Variants in TRUB2 observed in about 807,000 individuals in gnomAD.
TRUB2 encodes pseudouridylate synthase TRUB2, mitochondrial.
TRUB2 carries 31 observed loss-of-function variants against 31.9 expected under a neutral mutation model. The observed-to-expected ratio is 0.97, with a 90% confidence interval of 0.73 to 1.31. The LOEUF (loss-of-function observed/expected upper bound fraction) is 1.31. TRUB2 is among the 50% of genes most tolerant of loss of function. The probability of loss-of-function intolerance (pLI) is 0.00; values close to 1 mark genes in which losing one functional copy is unlikely to be tolerated. For synonymous variants in TRUB2, 201 were observed against 182.6 expected, an observed-to-expected ratio of 1.10 and a Z score of -0.81; for missense variants, 451 against 439.6, an observed-to-expected ratio of 1.03 and a Z score of -0.23.
At chr9:128,313,433 G>A (rs1365612993) in intron 5 of TRUB2, among the ~76,000 whole-genome samples, 1 of 150,474 alleles carries the variant, frequency 6.6e-6, no homozygotes, top group African/African-American at 2.4e-5. Flanking sequence ...CTACTAGGGA[G>A]GCTGAGGCAG....
chr9:128,309,908 T>C, intron 7 of TRUB2, 33 bp from the exon 8 acceptor site: 2 of 1,601,738 alleles, frequency 1.2e-6, no homozygotes, highest in Non-Finnish European at 1.7e-6. Flanking sequence ...GACATGGTGG[T>C]GAGAGCACAG....
At chr9:128,315,199 C>G (rs1832045955) in intron 4 of TRUB2, among the ~76,000 whole-genome samples, 1 of 152,130 alleles carries the variant, frequency 6.6e-6, no homozygotes, top group African/African-American at 2.4e-5. Context: ...TTGGAGAGAC[C>G]TAGGTTCAAA....
chr9:128,322,210 C>T, intron 1 of TRUB2, 90 bp downstream of exon 1: 1 of 1,079,888 alleles, frequency 9.3e-7, no homozygotes. Context: ...GAATAGGTCA[C>T]GTGATTTTGT....
intron 3 of TRUB2, 103 bp downstream of exon 3, chr9:128,317,049 G>T: frequency 1.0e-6 from 1 of 1,003,874 alleles, no homozygotes; most frequent in South Asian, 1.5e-5. Context: ...GAGAGGAGTG[G>T]TGGGACGTGG....
chr9:128,314,178 C>T (rs1832028457), intron 4 of TRUB2, among the ~76,000 whole-genome samples: 1 of 152,144 alleles, frequency 6.6e-6, no homozygotes, highest in Admixed American at 6.6e-5. Flanking sequence ...GTACCTGGCT[C>T]CCAGTCAGCA....
In TRUB2 at chr9:128,310,922, C is replaced by T. The variant is rs769813918; in HGVS notation, c.635G>A (p.Arg212Gln). Residue 212 changes from arginine (R) to glutamine (Q), a missense_variant, in exon 7 of 8, where the codon CGA (arginine) becomes CAA (glutamine). Arg to Gln is a conservative substitution (Grantham distance 43). Coordinates refer to ENST00000372890, the MANE Select transcript of TRUB2 (RefSeq NM_015679.3). ...NKSPMLITGIRCLYFAPPEFL... is the reference protein window; with the variant it reads ...NKSPMLITGIQCLYFAPPEFL... ...TTCCGGAGGTGCAAAGTAGAGGCAT[C>T]GGATGCCAGTTATCAGCATCGGGGA... is the stretch of plus-strand genomic sequence containing the variant. 10 of 1,614,104 alleles carry T rather than the reference C, an allele frequency of 6.2e-6. No individual in the cohort carries two copies. In the Admixed American group the frequency reaches 8.3e-5, roughly 13 times the overall value.
intron 2 of TRUB2, among the ~76,000 whole-genome samples, chr9:128,320,486 C>T (rs1240214875): frequency 1.3e-5 from 2 of 152,020 alleles, no homozygotes; most frequent in Non-Finnish European, 2.9e-5. Context: ...GCATGTGCCA[C>T]CACACCTGTC....
At chr9:128,312,113 G>T (rs1387429128) in intron 5 of TRUB2, among the ~76,000 whole-genome samples, 1 of 150,052 alleles carries the variant, frequency 6.7e-6, no homozygotes, top group Admixed American at 6.7e-5. Context: ...GAGATTACAG[G>T]TGTGAGCCAC....
In TRUB2 at chr9:128,309,188, G is replaced by T; in HGVS notation, c.*362C>A. 5.1e-6 allele frequency: 1 copy of T among 197,122 alleles called. No homozygotes were observed. The allele number at this position is 197,122 out of a possible 1,614,324, so 12.2% of individuals were successfully genotyped here. On this transcript the variant is annotated 3_prime_UTR_variant, in exon 8 of 8. Transcript: ENST00000372890. ...TTTTGAGATGGCAGGGGTCTCATAT[G>T]TTCCCCAGACTAGAGTGCAGTGGCT... is the stretch of plus-strand genomic sequence containing the variant.
chr9:128,306,735 C>CTT lies in TRUB2; in HGVS notation c.*2813_*2814dup, dbSNP rs879861880. ...ACAGGCGTGAGCCACCGTGCCCAGC[C>CTT]TTTTTTTTTTTCTTTTCTGAGACAG... On this transcript the variant is annotated 3_prime_UTR_variant, in exon 8 of 8. Coordinates refer to ENST00000372890, the MANE Select transcript of TRUB2 (RefSeq NM_015679.3). 2.1e-5 allele frequency: 3 copies of CTT among 143,766 alleles called. No individual in the cohort carries two copies. The highest frequency in any genetic ancestry group is 3.1e-5 in the Non-Finnish European group (2 of 65,566). 8.9% of individuals were successfully genotyped at this position (143,766 alleles called of 1,614,324 possible).
chr9:128,320,862 C>A, intron 2 of TRUB2, among the ~76,000 whole-genome samples: 1 of 151,050 alleles, frequency 6.6e-6, no homozygotes, highest in South Asian at 2.1e-4. Context: ...AATTTCGGCT[C>A]ACTGCAACCT....
chr9:128,317,091 T>C, intron 3 of TRUB2, 61 bp downstream of exon 3: 1 of 1,463,104 alleles, frequency 6.8e-7, no homozygotes, highest in Non-Finnish European at 9.3e-7. Flanking sequence ...GGGCTCCTGG[T>C]AGCTTCAGGA....
rs1342335039 is a variant in TRUB2, at chr9:128,307,436, T to C, written c.*2114A>G. 6.8e-6 allele frequency: 1 copy of C among 146,634 alleles called. No homozygotes were observed. Among genetic ancestry groups the C allele is most frequent in the Non-Finnish European group, 1.5e-5 (1 of 66,632 alleles). 9.1% of individuals were successfully genotyped at this position (146,634 alleles called of 1,614,324 possible). A position where few individuals can be genotyped will look rare whatever the true frequency, so the allele number is the denominator to read the frequency against. On this transcript the variant is annotated 3_prime_UTR_variant, in exon 8 of 8. Coordinates refer to ENST00000372890, the MANE Select transcript of TRUB2 (RefSeq NM_015679.3). Reference sequence around the variant, plus strand: ...GCCTGGGTGACAGAGCAAGACTCTGTCTAAAAAAAACAGGCCGGAAACAGT... The same window carrying C: ...GCCTGGGTGACAGAGCAAGACTCTGCCTAAAAAAAACAGGCCGGAAACAGT...
chr9:128,318,118 C>T (rs141577319), intron 2 of TRUB2, among the ~76,000 whole-genome samples: 3,608 of 151,966 alleles, frequency 0.024, 144 homozygotes, highest in African/African-American at 0.082. Context: ...CCAAGGTGGG[C>T]GGATCACCTG....
At position 128,309,768 on chromosome 9, in the gene TRUB2, C is replaced by T. The variant is rs755328661; in HGVS notation, c.778G>A (p.Asp260Asn). 1.5e-5 allele frequency: 25 copies of T among 1,614,244 alleles called. No homozygotes were observed. Among genetic ancestry groups the T allele is most frequent in the Non-Finnish European group, 1.9e-5 (22 of 1,180,046 alleles). The change falls in exon 8 of 8, where the codon GAC (aspartate) becomes AAC (asparagine). Residue 260 changes from aspartate to asparagine, a missense_variant. By Grantham distance (23) the Asp-to-Asn change is conservative (BLOSUM62 1). Transcript: ENST00000372890. ...AVCTQVRRTRDGFFTLDSALL... is the reference protein window; with the variant it reads ...AVCTQVRRTRNGFFTLDSALL... ...GCACTGTCTAGCGTGAAGAAGCCGT[C>T]GCGCGTGCGCCGCACTTGGGTGCAG... is the stretch of plus-strand genomic sequence containing the variant.
chr9:128,309,683 G>C lies in TRUB2; in HGVS notation c.863C>G (p.Pro288Arg), dbSNP rs377158271. 3.3e-5 allele frequency: 54 copies of C among 1,614,116 alleles called. No individual in the cohort carries two copies. In the African/African-American group the frequency reaches 6.8e-4, roughly 20 times the overall value. ...NIQDAIRAAT[P>R]QVAAELEKSL... ...CTTCTCCAGCTCTGCAGCTACCTGAGGGGTAGCAGCCCGGATAGCATCCTG... is the reference window on the plus strand; with the variant it reads ...CTTCTCCAGCTCTGCAGCTACCTGACGGGTAGCAGCCCGGATAGCATCCTG... Residue 288 changes from proline to arginine, a missense_variant, in exon 8 of 8, where the codon CCT (proline) becomes CGT (arginine). By Grantham distance (103) the Pro-to-Arg change is moderately radical (BLOSUM62 -2). Transcript: ENST00000372890.
Position 128,313,497 on chromosome 9 carries a change from C to G in TRUB2, c.460+311G>C, listed in dbSNP as rs112779696. On this transcript the variant is annotated intron_variant, in intron 5 of 7. Transcript: ENST00000372890. ...CTTGCAGCGAGCTGAGATCGTGCCA[C>G]TGCACTCCAGCCTGGGCGACAGAGC... Among the ~76,000 whole-genome samples, 964 of 141,572 alleles carry G rather than the reference C, an allele frequency of 6.8e-3. 16 individuals carry two copies. The highest frequency in any genetic ancestry group is 0.025 in the African/African-American group (920 of 36,838). The allele number at this position is 141,572 out of a possible 152,430, so 92.9% of individuals were successfully genotyped here. A position where few individuals can be genotyped will look rare whatever the true frequency, so the allele number is the denominator to read the frequency against.
intron 3 of TRUB2, 101 bp from the exon 4 acceptor site, chr9:128,315,729 G>T: frequency 7.4e-7 from 1 of 1,360,486 alleles, no homozygotes; most frequent in Non-Finnish European, 1.0e-6. Flanking sequence ...CTTTTCTGAT[G>T]CTGCCAAAGG....
At chr9:128,321,924 C>A (rs770005729) in intron 1 of TRUB2, among the ~76,000 whole-genome samples, 194 bp from the exon 2 acceptor site, 3 of 152,176 alleles carry the variant, frequency 2.0e-5, no homozygotes, top group Non-Finnish European at 4.4e-5. Flanking sequence ...GGATTACAGG[C>A]GTGCACCACG....
Sources: allele counts gnomAD v4.1 joint callset (sites outside exome capture counted in the v4.1 genomes callset), GRCh38; gene constraint gnomAD v4.1.1; transcripts MANE v1.5; gene names NCBI Gene and HGNC (gene_info 2026-07-23, HGNC 2026-07-21).